The following SPAG16 variants were observed in gnomAD, a reference collection of about 807,000 sequenced individuals.
SPAG16 encodes the protein sperm associated antigen 16.
Under a neutral mutation model 80.4 loss-of-function variants are expected in SPAG16, and 86 were observed. The ratio of observed to expected loss-of-function variants is 1.07; its 90% CI spans 0.90 to 1.28. SPAG16 has a LOEUF of 1.28. SPAG16 is among the 50% of genes most tolerant of loss of function. The probability of loss-of-function intolerance (pLI) is 0.00; values close to 1 mark genes in which losing one functional copy is unlikely to be tolerated. For missense variants in SPAG16, 870 were observed against 765.3 expected, an observed-to-expected ratio of 1.14 and a Z score of -1.61; for synonymous variants, 294 against 265.9, an observed-to-expected ratio of 1.11 and a Z score of -1.03.
At chr2:213,632,703 CT>C (rs945687174) in intron 10 of SPAG16, among the ~76,000 whole-genome samples, 4 of 151,356 alleles carry the variant, frequency 2.6e-5, no homozygotes, top group Non-Finnish European at 5.9e-5. Context: ...TTATCAAATA[CT>C]TTTACAGCAT....
intron 13 of SPAG16, among the ~76,000 whole-genome samples, chr2:214,039,260 CTG>C (rs1411813537): frequency 6.6e-6 from 1 of 152,104 alleles, no homozygotes; most frequent in Non-Finnish European, 1.5e-5. Context: ...TGGTATCTCA[CTG>C]TGGTTTTGAT....
chr2:213,900,241 G>T (rs1233211625), intron 11 of SPAG16, among the ~76,000 whole-genome samples: 2 of 152,002 alleles, frequency 1.3e-5, no homozygotes, highest in African/African-American at 4.8e-5. Flanking sequence ...ATCACAGGGG[G>T]GATTTTTCAC....
chr2:214,092,158 GT>G (rs1335208844), intron 13 of SPAG16, among the ~76,000 whole-genome samples: 1 of 151,892 alleles, frequency 6.6e-6, no homozygotes, highest in Non-Finnish European at 1.5e-5. Flanking sequence ...TCATTTCCAG[GT>G]TTTTGCCACC....
At chr2:213,763,904 A>G (rs2068794462) in intron 10 of SPAG16, among the ~76,000 whole-genome samples, 1 of 152,212 alleles carries the variant, frequency 6.6e-6, no homozygotes, top group African/African-American at 2.4e-5. Context: ...AGCAGCTTTT[A>G]ATATGAGAAG....
intron 15 of SPAG16, among the ~76,000 whole-genome samples, chr2:214,173,286 G>T (rs1483562046): frequency 6.6e-6 from 1 of 152,054 alleles, no homozygotes; most frequent in East Asian, 1.9e-4. Flanking sequence ...AAGGTGTGAG[G>T]AAGGGATCCA....
At position 214,149,173 on chromosome 2, in the gene SPAG16, G is replaced by A. The variant is rs775856481; in HGVS notation, c.1627G>A (p.Val543Ile). The change falls in exon 15 of 16, where the codon GTT (valine) becomes ATT (isoleucine). Residue 543 changes from valine (V) to isoleucine (I), a missense_variant. Coordinates refer to ENST00000331683, the MANE Select transcript of SPAG16 (RefSeq NM_024532.5). ...HMIASCDACG[V>I]TKLWDFRKLL... The stretch of plus-strand genomic sequence containing the variant: ...GATAGCATCCTGTGATGCCTGTGGG[G>A]TTACAAAGCTGTGGGACTTTCGGAA... The A allele has an allele frequency of 1.3e-6, 2 of 1,592,424 alleles. No homozygotes were observed. The highest frequency in any genetic ancestry group is 8.6e-7 in the Non-Finnish European group (1 of 1,169,086).
At chr2:214,174,789 C>T (rs2057012475) in intron 15 of SPAG16, among the ~76,000 whole-genome samples, 1 of 151,592 alleles carries the variant, frequency 6.6e-6, no homozygotes, top group African/African-American at 2.4e-5. Flanking sequence ...AGCCAGTGGA[C>T]AGGAAAAGAT....
intron 9 of SPAG16, among the ~76,000 whole-genome samples, chr2:213,467,254 G>T (rs1244339187): frequency 6.6e-6 from 1 of 152,198 alleles, no homozygotes; most frequent in Non-Finnish European, 1.5e-5. Context: ...AAGCAGGTGG[G>T]ATCCTAAAGG....
chr2:214,177,979 A>G (rs1192247992), intron 15 of SPAG16, among the ~76,000 whole-genome samples: 397 of 15,852 alleles, frequency 0.025, 7 homozygotes, highest in African/African-American at 0.04. Context: ...ATGTATATAT[A>G]TATATATATA....
chr2:213,855,517 T>C (rs1338067548), intron 10 of SPAG16, among the ~76,000 whole-genome samples: 1 of 152,236 alleles, frequency 6.6e-6, no homozygotes, highest in Non-Finnish European at 1.5e-5. Flanking sequence ...TTGCATTTCA[T>C]AGTTACTACT....
chr2:213,700,373 T>C (rs2065351753), intron 10 of SPAG16, among the ~76,000 whole-genome samples: 1 of 152,206 alleles, frequency 6.6e-6, no homozygotes, highest in Non-Finnish European at 1.5e-5. Context: ...TTAAAATGTA[T>C]GACATAAATT....
intron 8 of SPAG16, among the ~76,000 whole-genome samples, chr2:213,368,565 G>C (rs1048572397): frequency 6.6e-6 from 1 of 152,042 alleles, no homozygotes; most frequent in Admixed American, 6.6e-5. Flanking sequence ...TTCTGGCCAG[G>C]GCAATTAGTC....
chr2:213,955,767 A>G (rs1273289170), intron 12 of SPAG16, among the ~76,000 whole-genome samples: 2 of 152,080 alleles, frequency 1.3e-5, no homozygotes, highest in Non-Finnish European at 2.9e-5. Context: ...ACACTATCCA[A>G]TACATTGGCA....
chr2:213,344,586 G>T (rs1368698735), intron 6 of SPAG16, among the ~76,000 whole-genome samples: 1 of 152,052 alleles, frequency 6.6e-6, no homozygotes, highest in Non-Finnish European at 1.5e-5. Context: ...GTGTCCATGT[G>T]TTCTCATTGT....
At chr2:214,243,437 A>G (rs932059507) in intron 15 of SPAG16, among the ~76,000 whole-genome samples, 7 of 152,064 alleles carry the variant, frequency 4.6e-5, no homozygotes, top group African/African-American at 1.7e-4. Context: ...TAACTATAGT[A>G]CCTGGCCTAA....
chr2:214,351,577 C>T (rs1322544159), intron 15 of SPAG16, among the ~76,000 whole-genome samples: 1 of 152,080 alleles, frequency 6.6e-6, no homozygotes, highest in African/African-American at 2.4e-5. Flanking sequence ...GTGGCAGGTG[C>T]CTGTAGTCCC....
intron 10 of SPAG16, among the ~76,000 whole-genome samples, chr2:213,776,604 T>A (rs922628317): frequency 2.0e-5 from 3 of 152,214 alleles, no homozygotes; most frequent in African/African-American, 7.2e-5. Context: ...TATCAATTTG[T>A]AAAAGTTGTG....
At chr2:213,950,301 G>A (rs2079687013) in intron 12 of SPAG16, among the ~76,000 whole-genome samples, 1 of 152,018 alleles carries the variant, frequency 6.6e-6, no homozygotes, top group South Asian at 2.1e-4. Context: ...TAAGAAAAAC[G>A]AGATTTGGAA....
intron 11 of SPAG16, among the ~76,000 whole-genome samples, chr2:213,883,788 T>C (rs1071875): frequency 0.59 from 90,399 of 152,012 alleles, 28,765 homozygotes; most frequent in South Asian, 0.85. Context: ...CTTTTAAATT[T>C]TTATTGGCTT....
Sources: gnomAD v4.1 joint callset for allele counts (sites outside exome capture counted in the v4.1 genomes callset) on GRCh38, gnomAD v4.1.1 for gene constraint, MANE v1.5 for transcripts, NCBI Gene and HGNC (gene_info 2026-07-23, HGNC 2026-07-21) for gene names.